The following CNTN6 variants were observed in gnomAD, a reference collection of about 807,000 sequenced individuals.
CNTN6 encodes the protein contactin-6.
In CNTN6, 137 loss-of-function variants were observed where a neutral mutation model predicts 122.8. The observed-to-expected ratio is 1.12, with a 90% CI of 0.97 to 1.29. CNTN6 has a LOEUF of 1.29. Among genes scored for constraint, CNTN6 ranks in the 50% most tolerant of loss-of-function variants. The pLI is 0.00. For missense variants in CNTN6, 1,634 were observed against 1,223.4 expected, an observed-to-expected ratio of 1.34 and a Z score of -5.01; for synonymous variants, 570 against 426.0, an observed-to-expected ratio of 1.34 and a Z score of -4.16.
Position 1,402,723 on chromosome 3 carries a change from C to A in CNTN6, c.2986+237C>A, listed in dbSNP as rs1205499037. 6 of 388,464 alleles carry A rather than the reference C, an allele frequency of 1.5e-5. No individual in the cohort carries two copies. In the East Asian group the frequency reaches 2.0e-4, roughly 13 times the overall value. 24.1% of individuals were successfully genotyped at this position (388,464 alleles called of 1,614,324 possible). ...CCAAAAAGAGAACAGGAAAAAAAATCTTTGTGTCATTAGAGCATAATTGTA... is the reference window on the plus strand; with the variant it reads ...CCAAAAAGAGAACAGGAAAAAAAATATTTGTGTCATTAGAGCATAATTGTA... On this transcript the variant is annotated intron_variant, in intron 22 of 22. Coordinates refer to ENST00000446702, the MANE Select transcript of CNTN6 (RefSeq NM_001289080.2).
intron 4 of CNTN6, among the ~76,000 whole-genome samples, chr3:1,245,295 C>CATATATATATAT (rs71056326): frequency 2.6e-4 from 1 of 3,806 alleles, no homozygotes; most frequent in Non-Finnish European, 7.0e-4. Context: ...ATATATATAA[C>CATATATATATAT]ATATATATAT....
intron 4 of CNTN6, among the ~76,000 whole-genome samples, chr3:1,244,950 G>A (rs1471514085): frequency 1.3e-5 from 2 of 150,132 alleles, no homozygotes; most frequent in African/African-American, 4.9e-5. Context: ...GGATGGGGCA[G>A]GAACAAATCA....
chr3:1,348,157 C>CAAAATAAAAAAAAAAA (rs1705041074), intron 11 of CNTN6, among the ~76,000 whole-genome samples: 1 of 64,302 alleles, frequency 1.6e-5, no homozygotes, highest in Non-Finnish European at 2.8e-5. Flanking sequence ...ATGCTATAGA[C>CAAAATAAAAAAAAAAA]AAAAAAAAAA....
At chr3:1,225,878 G>T (rs1004007668) in intron 3 of CNTN6, among the ~76,000 whole-genome samples, 1 of 152,096 alleles carries the variant, frequency 6.6e-6, no homozygotes, top group African/African-American at 2.4e-5. Context: ...TAACAGAGTT[G>T]GTTCAAAACC....
At chr3:1,384,837 A>G (rs1487241413) in intron 19 of CNTN6, among the ~76,000 whole-genome samples, 1 of 147,602 alleles carries the variant, frequency 6.8e-6, no homozygotes, top group Non-Finnish European at 1.5e-5. Flanking sequence ...ATATAACCAT[A>G]ATCCTCTGAT....
intron 2 of CNTN6, among the ~76,000 whole-genome samples, chr3:1,216,582 C>T (rs1242254086): frequency 1.3e-5 from 2 of 152,174 alleles, no homozygotes; most frequent in East Asian, 1.9e-4. Flanking sequence ...TTTACAGGAA[C>T]ACTAAAATAT....
intron 1 of CNTN6, among the ~76,000 whole-genome samples, chr3:1,118,806 G>T (rs2091831548): frequency 1.3e-5 from 2 of 151,904 alleles, no homozygotes; most frequent in Non-Finnish European, 2.9e-5. Context: ...AGTGTTTTCT[G>T]CCAGACTGAA....
At chr3:1,305,710 T>C (rs1698247124) in intron 7 of CNTN6, among the ~76,000 whole-genome samples, 1 of 147,930 alleles carries the variant, frequency 6.8e-6, no homozygotes. Flanking sequence ...CTGTCAGTGT[T>C]CTGGAATGTA....
chr3:1,378,560 G>A (rs1390418060), intron 17 of CNTN6, among the ~76,000 whole-genome samples: 2 of 152,116 alleles, frequency 1.3e-5, no homozygotes, highest in Non-Finnish European at 1.5e-5. Context: ...TTGTTGAATG[G>A]AAGGTAGTGT....
At chr3:1,239,262 A>C (rs2125597413) in intron 4 of CNTN6, among the ~76,000 whole-genome samples, 1 of 152,276 alleles carries the variant, frequency 6.6e-6, no homozygotes, top group Non-Finnish European at 1.5e-5. Context: ...TTGTATACCT[A>C]AAAAGCCCTA....
chr3:1,283,165 G>T (rs1315818599), intron 5 of CNTN6, among the ~76,000 whole-genome samples: 1 of 152,102 alleles, frequency 6.6e-6, no homozygotes, highest in Non-Finnish European at 1.5e-5. Flanking sequence ...GTAGAGACAG[G>T]GTGGGTCTCC....
At chr3:1,242,017 AGTT>A (rs1253257638) in intron 4 of CNTN6, among the ~76,000 whole-genome samples, 29 of 152,122 alleles carry the variant, frequency 1.9e-4, no homozygotes, top group African/African-American at 6.3e-4. Flanking sequence ...GAAGGAAAGG[AGTT>A]GTTGTTTTGT....
At chr3:1,365,930 T>G (rs565656164) in intron 12 of CNTN6, among the ~76,000 whole-genome samples, 2 of 152,256 alleles carry the variant, frequency 1.3e-5, no homozygotes, top group South Asian at 4.1e-4. Flanking sequence ...TCAGACAATA[T>G]ATTTTATATT....
At chr3:1,207,368 A>G (rs1291165391) in intron 2 of CNTN6, among the ~76,000 whole-genome samples, 2 of 152,130 alleles carry the variant, frequency 1.3e-5, no homozygotes, top group African/African-American at 4.8e-5. Flanking sequence ...CATCTATACC[A>G]CAAATACTTT....
chr3:1,194,165 A>G (rs1338843881), intron 2 of CNTN6, among the ~76,000 whole-genome samples: 1 of 152,164 alleles, frequency 6.6e-6, no homozygotes, highest in African/African-American at 2.4e-5. Flanking sequence ...TATTTAGTCA[A>G]TTGAAGATCA....
Position 1,211,127 on chromosome 3 carries a change from T to A in CNTN6, c.56-9560T>A, listed in dbSNP as rs544530136. Among the ~76,000 whole-genome samples the A allele has an allele frequency of 6.6e-5, 10 of 152,340 alleles. No individual in the cohort carries two copies. The South Asian group carries it at 2.1e-3, about 32-fold the overall frequency. On this transcript the variant is annotated intron_variant, in intron 2 of 22. Transcript: ENST00000446702. Reference sequence around the variant, plus strand: ...GCAACATTTGTGCAAATTAGACTTCTGCGGTAGAAGATATTCTGGAGGTTC... The same window carrying A: ...GCAACATTTGTGCAAATTAGACTTCAGCGGTAGAAGATATTCTGGAGGTTC...
intron 4 of CNTN6, among the ~76,000 whole-genome samples, chr3:1,252,092 C>T (rs2094681340): frequency 6.6e-6 from 1 of 152,166 alleles, no homozygotes; most frequent in Non-Finnish European, 1.5e-5. Flanking sequence ...CATTGGATTT[C>T]TGTTTTGCTA....
chr3:1,188,923 C>T (rs1169866311), intron 2 of CNTN6, among the ~76,000 whole-genome samples: 1 of 148,464 alleles, frequency 6.7e-6, no homozygotes, highest in African/African-American at 2.6e-5. Flanking sequence ...GCTTATCCGT[C>T]TAGCCTAGGC....
chr3:1,332,292 T>C (rs1364636717), intron 11 of CNTN6, among the ~76,000 whole-genome samples: 1 of 151,978 alleles, frequency 6.6e-6, no homozygotes, highest in African/African-American at 2.4e-5. Flanking sequence ...GCACACTTTC[T>C]AGCTTGTCCT....
Sources: allele counts gnomAD v4.1 joint callset (sites outside exome capture counted in the v4.1 genomes callset), GRCh38; gene constraint gnomAD v4.1.1; transcripts MANE v1.5; gene names NCBI Gene and HGNC (gene_info 2026-07-23, HGNC 2026-07-21).